The following SEPTIN9 variants were observed in gnomAD, a reference collection of about 807,000 sequenced individuals.
The protein encoded by SEPTIN9 is septin-9.
SEPTIN9 carries 13 observed loss-of-function variants against 56.6 expected under a neutral mutation model. That is an observed-to-expected ratio of 0.23 (90% CI 0.15 to 0.37). The LOEUF (loss-of-function observed/expected upper bound fraction) is 0.37. Among genes scored for constraint, SEPTIN9 ranks in the 10% least tolerant of loss-of-function variants. The probability of loss-of-function intolerance (pLI) is 1.00; values close to 1 mark genes in which losing one functional copy is unlikely to be tolerated. For missense variants in SEPTIN9, 650 were observed against 823.1 expected, an observed-to-expected ratio of 0.79 and a Z score of 2.57; for synonymous variants, 332 against 334.1, an observed-to-expected ratio of 0.99 and a Z score of 0.07.
Position 77,391,657 on chromosome 17 carries a change from T to C in SEPTIN9, c.77-10402T>C, listed in dbSNP as rs73373328. On this transcript the variant is annotated intron_variant, in intron 2 of 11. Coordinates refer to ENST00000427177, the MANE Select transcript of SEPTIN9 (RefSeq NM_001113491.2). The stretch of plus-strand genomic sequence containing the variant: ...TTTTGGGGGACACTGTTGAACCCAC[T>C]ACATTTAATAAACCCAGAGTTGGTG... 5.9e-3 allele frequency among the ~76,000 whole-genome samples: 893 copies of C among 152,332 alleles called. 12 individuals are homozygous for C. The highest frequency in any genetic ancestry group is 0.021 in the African/African-American group (853 of 41,564).
At chr17:77,394,016 G>C (rs2035625814) in intron 2 of SEPTIN9, among the ~76,000 whole-genome samples, 1 of 152,146 alleles carries the variant, frequency 6.6e-6, no homozygotes, top group East Asian at 1.9e-4. Flanking sequence ...TAAAGAGCAC[G>C]GTCCCTGTGC....
chr17:77,482,078 C>G, intron 3 of SEPTIN9, 66 bp from the exon 4 acceptor site: 1 of 1,451,774 alleles, frequency 6.9e-7, no homozygotes. Flanking sequence ...GGTGTGACAA[C>G]CACCTGGCAG....
Position 77,487,275 on chromosome 17 carries a change from C to T in SEPTIN9, c.914-149C>T. 1.2e-6 allele frequency: 1 copy of T among 843,280 alleles called. No individual in the cohort carries two copies. Among genetic ancestry groups the T allele is most frequent in the Non-Finnish European group, 1.9e-6 (1 of 521,422 alleles). 52.2% of individuals were successfully genotyped at this position (843,280 alleles called of 1,614,324 possible). Reference sequence around the variant, plus strand: ...GGCTCGAGGGTGAAGTCCTCGGGGGCTGCTTGGCAGGGATATTGCCGGGAG... The same window carrying T: ...GGCTCGAGGGTGAAGTCCTCGGGGGTTGCTTGGCAGGGATATTGCCGGGAG... On this transcript the variant is annotated intron_variant, in intron 4 of 11. Transcript: ENST00000427177. The surrounding 1 kb of genome is among the most constrained non-coding windows in gnomAD (Gnocchi z 4.3).
chr17:77,329,038 G>C lies in SEPTIN9; in HGVS notation c.76+21841G>C, dbSNP rs908614538. On this transcript the variant is annotated intron_variant, in intron 2 of 11. Coordinates refer to ENST00000427177, the MANE Select transcript of SEPTIN9 (RefSeq NM_001113491.2). The surrounding 1 kb of genome is among the most constrained non-coding windows in gnomAD (Gnocchi z 4.3). ...CGAGGCTGGAGCCTGGGGAAGGTGG[G>C]AGTGGCTGGAGTGTGTTTTCAGAGA... 6.6e-6 allele frequency among the ~76,000 whole-genome samples: 1 copy of C among 152,208 alleles called. No homozygotes were observed. The highest frequency in any genetic ancestry group is 2.4e-5 in the African/African-American group (1 of 41,452).
chr17:77,400,248 TATC>T lies in SEPTIN9; in HGVS notation c.77-1808_77-1806del, dbSNP rs1372930930. On this transcript the variant is annotated intron_variant, in intron 2 of 11. Transcript: ENST00000427177. The surrounding 1 kb of genome is among the most constrained non-coding windows in gnomAD (Gnocchi z 4.1). ...GTGCCAGCATTTAAAGATCAGGAGA[TATC>T]ATATAAAGATCCAGATTTCTACTCT... 6.6e-6 allele frequency among the ~76,000 whole-genome samples: 1 copy of T among 152,174 alleles called. No individual in the cohort carries two copies. Among genetic ancestry groups the T allele is most frequent in the Non-Finnish European group, 1.5e-5 (1 of 68,040 alleles).
At chr17:77,307,286 C>A in intron 2 of SEPTIN9, 89 bp downstream of exon 2, 2 of 1,220,464 alleles carry the variant, frequency 1.6e-6, no homozygotes, top group Non-Finnish European at 2.4e-6. Context: ...CCTGCCTCCC[C>A]ACCTGGCTTC....
intron 2 of SEPTIN9, among the ~76,000 whole-genome samples, chr17:77,344,507 T>C (rs1026811057): frequency 3.1e-4 from 47 of 152,346 alleles, no homozygotes; most frequent in African/African-American, 1.1e-3. Context: ...CACTTCTAGA[T>C]GTATACTCCA....
At chr17:77,441,418 G>A (rs1440770273) in intron 3 of SEPTIN9, among the ~76,000 whole-genome samples, 2 of 152,226 alleles carry the variant, frequency 1.3e-5, no homozygotes, top group Non-Finnish European at 2.9e-5. Context: ...AAACAGGCCT[G>A]GAGTCAGCCA....
intron 8 of SEPTIN9, 136 bp downstream of exon 8, chr17:77,490,995 C>A: frequency 1.4e-6 from 1 of 740,344 alleles, no homozygotes; most frequent in Non-Finnish European, 2.3e-6. Flanking sequence ...CAGCGGGTGG[C>A]TGGCCTGGTG....
At position 77,327,670 on chromosome 17, in the gene SEPTIN9, A is replaced by C. The variant is rs117023857; in HGVS notation, c.76+20473A>C. Among the ~76,000 whole-genome samples, 6,937 of 152,102 alleles carry C rather than the reference A, an allele frequency of 0.046. 273 individuals are homozygous for C. The highest frequency in any genetic ancestry group is 0.13 in the Admixed American group (2,055 of 15,288). On this transcript the variant is annotated intron_variant, in intron 2 of 11. Coordinates refer to ENST00000427177, the MANE Select transcript of SEPTIN9 (RefSeq NM_001113491.2). This position sits in a 1 kb window ranked among gnomAD's most constrained non-coding sequence, Gnocchi z 5.0. The stretch of plus-strand genomic sequence containing the variant: ...GAAATTGGGACAGAGAGTGGCGCAG[A>C]TCTCAGCCCGGAGACTCCCTCTGCC...
rs1367970422 is a variant in SEPTIN9 at position 77,319,105 on chromosome 17, C to G, written c.76+11908C>G. 2.0e-5 allele frequency among the ~76,000 whole-genome samples: 3 copies of G among 152,214 alleles called. No homozygotes were observed. Among genetic ancestry groups the G allele is most frequent in the Admixed American group, 2.0e-4 (3 of 15,294 alleles). On this transcript the variant is annotated intron_variant, in intron 2 of 11. Coordinates refer to ENST00000427177, the MANE Select transcript of SEPTIN9 (RefSeq NM_001113491.2). The surrounding 1 kb of genome is among the most constrained non-coding windows in gnomAD (Gnocchi z 5.3). ...AGATTGCCTGAGTTCTCAGCCTTGGCACAAACACACATTCTCTTTAAACAG... is the reference window on the plus strand; with the variant it reads ...AGATTGCCTGAGTTCTCAGCCTTGGGACAAACACACATTCTCTTTAAACAG...
At chr17:77,380,767 G>A (rs975141958) in intron 2 of SEPTIN9, among the ~76,000 whole-genome samples, 3 of 152,190 alleles carry the variant, frequency 2.0e-5, no homozygotes, top group Admixed American at 1.3e-4. Flanking sequence ...GAGGGGGGCA[G>A]TTACCCCACA....
chr17:77,392,667 G>A (rs2035582644), intron 2 of SEPTIN9, among the ~76,000 whole-genome samples: 1 of 152,016 alleles, frequency 6.6e-6, no homozygotes, highest in African/African-American at 2.4e-5. Flanking sequence ...AAGGGATTGA[G>A]CTGGGGGTGG....
intron 3 of SEPTIN9, among the ~76,000 whole-genome samples, chr17:77,465,490 T>C (rs904104496): frequency 2.6e-5 from 4 of 152,174 alleles, no homozygotes; most frequent in African/African-American, 9.7e-5. Context: ...CTCTGTGCTG[T>C]GCTCTGAGGT....
chr17:77,308,637 T>C (rs2032362687), intron 2 of SEPTIN9, among the ~76,000 whole-genome samples: 1 of 152,188 alleles, frequency 6.6e-6, no homozygotes, highest in Admixed American at 6.5e-5. Context: ...CTAGTGGCTA[T>C]GAAACTGAAC....
chr17:77,305,967 G>A (rs1488848834), intron 1 of SEPTIN9, among the ~76,000 whole-genome samples: 1 of 129,068 alleles, frequency 7.7e-6, no homozygotes. Context: ...TGATGGATGG[G>A]TGGATTAGGT....
intron 2 of SEPTIN9, chr17:77,373,284 G>A (rs2034784440): frequency 2.6e-6 from 3 of 1,155,990 alleles, no homozygotes; most frequent in Non-Finnish European, 3.2e-6. Context: ...GGAGGCGGGG[G>A]CGGGGCGGGG....
chr17:77,484,057 C>T (rs948292547), intron 4 of SEPTIN9: 1 of 152,286 alleles, frequency 6.6e-6, no homozygotes, highest in Non-Finnish European at 1.5e-5. Context: ...CCTCTGTGAG[C>T]CTTAGCTTCC....
chr17:77,369,323 G>A lies in SEPTIN9; in HGVS notation c.77-32736G>A, dbSNP rs1446804840. On this transcript the variant is annotated intron_variant, in intron 2 of 11. Transcript: ENST00000427177. This position sits in a 1 kb window ranked among gnomAD's most constrained non-coding sequence, Gnocchi z 4.9. ...GCTACAAATCGGGAAACTGAGTGTT[G>A]TTGCTTTTGCTGGCCCCAGGTGGCC... is the stretch of plus-strand genomic sequence containing the variant. 6.6e-6 allele frequency among the ~76,000 whole-genome samples: 1 copy of A among 152,204 alleles called. No individual in the cohort carries two copies. Among genetic ancestry groups the A allele is most frequent in the Non-Finnish European group, 1.5e-5 (1 of 68,030 alleles).
Sources: allele counts gnomAD v4.1 joint callset (sites outside exome capture counted in the v4.1 genomes callset), GRCh38; gene constraint gnomAD v4.1.1; non-coding constraint Gnocchi (gnomAD v3.1); transcripts MANE v1.5; gene names NCBI Gene and HGNC (gene_info 2026-07-23, HGNC 2026-07-21).